Variants in PPHLN1 observed in about 807,000 individuals in gnomAD.
PPHLN1 encodes the protein periphilin-1.
PPHLN1 carries 29 observed loss-of-function variants against 51.3 expected under a neutral mutation model. That is an observed-to-expected ratio of 0.57 (90% CI 0.42 to 0.77). The LOEUF (loss-of-function observed/expected upper bound fraction) is 0.77, where lower values mean the gene tolerates loss of function less well. PPHLN1 is among the 30% of genes least tolerant of loss of function. The pLI, the probability that PPHLN1 is intolerant of heterozygous loss-of-function variation, is 0.00. For synonymous variants in PPHLN1, 147 were observed against 147.8 expected, an observed-to-expected ratio of 0.99 and a Z score of 0.04; for missense variants, 436 against 438.4, an observed-to-expected ratio of 0.99 and a Z score of 0.05.
At chr12:42,442,832 G>A, downstream of PPHLN1, 2 of 1,582,296 alleles carry the variant, frequency 1.3e-6, no homozygotes, top group Non-Finnish European at 1.7e-6. Flanking sequence ...CCACACAACA[G>A]AAACAGTATA....
intron 9 of PPHLN1, among the ~76,000 whole-genome samples, chr12:42,430,910 C>G (rs1389704501): frequency 1.3e-5 from 2 of 152,202 alleles, no homozygotes; most frequent in Non-Finnish European, 2.9e-5. Context: ...AAAAGATACT[C>G]TACTGAAGAC....
At chr12:42,358,092 G>GTA (rs1173853586) in intron 4 of PPHLN1, among the ~76,000 whole-genome samples, 1 of 152,098 alleles carries the variant, frequency 6.6e-6, no homozygotes, top group East Asian at 1.9e-4. Flanking sequence ...GTATGCCATT[G>GTA]TATATATGTA....
downstream of PPHLN1, chr12:42,444,774 A>T: frequency 2.4e-6 from 1 of 409,250 alleles, no homozygotes; most frequent in African/African-American, 2.1e-5. Flanking sequence ...TCCTGCTGAC[A>T]AACTACTTCA....
At chr12:42,446,805 CTTTA>C (rs1413396253), downstream of PPHLN1, 2 of 576,842 alleles carry the variant, frequency 3.5e-6, no homozygotes, top group Non-Finnish European at 5.7e-6. Context: ...CTGAAGGCAG[CTTTA>C]TTAATTAATT....
chr12:42,369,026 G>C (rs1381377474), intron 4 of PPHLN1, among the ~76,000 whole-genome samples: 1 of 152,140 alleles, frequency 6.6e-6, no homozygotes, highest in African/African-American at 2.4e-5. Context: ...CTGGTCAGCT[G>C]TCTGTTTTTG....
In PPHLN1 at chr12:42,441,906, G is replaced by A; in HGVS notation, c.*397G>A. ...TGCTTTTTCTTAGGCTTTGTAACTTGTAATATGTTAAAGTGTACTATCCTA... is the reference window on the plus strand; with the variant it reads ...TGCTTTTTCTTAGGCTTTGTAACTTATAATATGTTAAAGTGTACTATCCTA... On this transcript the variant is annotated 3_prime_UTR_variant, in exon 10 of 10. Transcript: ENST00000358314. The A allele has an allele frequency of 2.0e-6, 2 of 982,602 alleles. No homozygotes were observed. The highest frequency in any genetic ancestry group is 2.4e-6 in the Non-Finnish European group (2 of 825,702). The allele number at this position is 982,602 out of a possible 1,614,324, so 60.9% of individuals were successfully genotyped here.
intron 4 of PPHLN1, among the ~76,000 whole-genome samples, chr12:42,363,154 A>G (rs1223031269): frequency 6.6e-6 from 1 of 152,172 alleles, no homozygotes; most frequent in African/African-American, 2.4e-5. Flanking sequence ...GCTAGGATCC[A>G]GGAAACAGTA....
At position 42,441,657 on chromosome 12, in the gene PPHLN1, A is replaced by G. The variant is rs2082978140; in HGVS notation, c.*148A>G. On this transcript the variant is annotated 3_prime_UTR_variant, in exon 10 of 10. Coordinates refer to ENST00000358314, the MANE Select transcript of PPHLN1 (RefSeq NM_201439.2). Reference sequence around the variant, plus strand: ...ACATTTCAGTATTAAATAAACATCTAAAATAGTCTGTTTAAAATGTTTGAT... The same window carrying G: ...ACATTTCAGTATTAAATAAACATCTGAAATAGTCTGTTTAAAATGTTTGAT... 2.0e-5 allele frequency: 26 copies of G among 1,296,270 alleles called. No individual in the cohort carries two copies. In the South Asian group the frequency reaches 5.8e-4, roughly 29 times the overall value. The allele number at this position is 1,296,270 out of a possible 1,614,324, so 80.3% of individuals were successfully genotyped here.
chr12:42,337,705 C>T (rs1477807545), intron 2 of PPHLN1, among the ~76,000 whole-genome samples: 2 of 152,084 alleles, frequency 1.3e-5, no homozygotes, highest in Non-Finnish European at 1.5e-5. Flanking sequence ...ATTCTTGTGC[C>T]TCAGCCTCCT....
chr12:42,433,961 A>C (rs568296593), intron 9 of PPHLN1, among the ~76,000 whole-genome samples: 14 of 152,268 alleles, frequency 9.2e-5, no homozygotes, highest in African/African-American at 3.1e-4. Context: ...AAAAAACATA[A>C]CACCACCAAA....
chr12:42,339,567 A>C (rs2071176704), intron 2 of PPHLN1, among the ~76,000 whole-genome samples: 1 of 152,196 alleles, frequency 6.6e-6, no homozygotes, highest in African/African-American at 2.4e-5. Context: ...TGTCTGGTGA[A>C]GCCTATGGAT....
At chr12:42,341,260 T>G (rs2071454286) in intron 2 of PPHLN1, among the ~76,000 whole-genome samples, 2 of 152,164 alleles carry the variant, frequency 1.3e-5, no homozygotes, top group South Asian at 4.1e-4. Context: ...ATTACAGGCG[T>G]GAGCCATCGT....
chr12:42,444,240 CAT>C (rs2083169851), downstream of PPHLN1: 1 of 151,902 alleles, frequency 6.6e-6, no homozygotes. Context: ...TAGCAACTAA[CAT>C]ACCTTAAATA....
chr12:42,436,681 G>T (rs376965562), intron 9 of PPHLN1, among the ~76,000 whole-genome samples: 3 of 152,154 alleles, frequency 2.0e-5, no homozygotes, highest in African/African-American at 7.2e-5. Flanking sequence ...ACTGAACCCT[G>T]TGTATACTCT....
At chr12:42,389,010 G>A (rs1055482156) in intron 7 of PPHLN1, among the ~76,000 whole-genome samples, 27 of 151,850 alleles carry the variant, frequency 1.8e-4, no homozygotes, top group African/African-American at 6.3e-4. Context: ...AGGCTGAGGC[G>A]GGTGGATCAT....
chr12:42,404,471 G>A (rs552598162), intron 9 of PPHLN1, among the ~76,000 whole-genome samples: 2 of 152,260 alleles, frequency 1.3e-5, no homozygotes, highest in South Asian at 2.1e-4. Context: ...AGAGGTTGCA[G>A]TGAGCCGAGA....
intron 2 of PPHLN1, among the ~76,000 whole-genome samples, chr12:42,342,741 A>G (rs2071683242): frequency 6.6e-6 from 1 of 152,166 alleles, no homozygotes; most frequent in Non-Finnish European, 1.5e-5. Context: ...GCATTAAAAG[A>G]TTTTTCTGGT....
intron 9 of PPHLN1, among the ~76,000 whole-genome samples, chr12:42,419,754 T>C (rs1295463551): frequency 2.6e-5 from 4 of 152,236 alleles, no homozygotes; most frequent in Admixed American, 1.3e-4. Flanking sequence ...CCATGTGGCA[T>C]ATTTGTGGAT....
intron 4 of PPHLN1, among the ~76,000 whole-genome samples, chr12:42,363,756 A>G (rs1357438226): frequency 1.3e-5 from 2 of 152,140 alleles, no homozygotes; most frequent in Non-Finnish European, 2.9e-5. Context: ...CTGTATTTAC[A>G]CAATGATTAT....
Sources: gnomAD v4.1 joint callset for allele counts (sites outside exome capture counted in the v4.1 genomes callset) on GRCh38, gnomAD v4.1.1 for gene constraint, MANE v1.5 for transcripts, NCBI Gene and HGNC (gene_info 2026-07-23, HGNC 2026-07-21) for gene names.